CTNNA2: variants seen among roughly 807,000 people sequenced by gnomAD.
CTNNA2 encodes catenin alpha-2.
CTNNA2 carries 42 observed loss-of-function variants against 101.0 expected under a neutral mutation model. The ratio of observed to expected loss-of-function variants is 0.42; its 90% CI spans 0.32 to 0.54. CTNNA2 has a LOEUF of 0.54. Ranked by LOEUF, CTNNA2 falls within the 20% of genes least tolerant of loss-of-function variation. The probability of loss-of-function intolerance (pLI) is 0.14; values close to 1 mark genes in which losing one functional copy is unlikely to be tolerated. For synonymous variants in CTNNA2, 450 were observed against 456.4 expected, an observed-to-expected ratio of 0.99 and a Z score of 0.18; for missense variants, 871 against 1,223.1, an observed-to-expected ratio of 0.71 and a Z score of 4.29.
At chr2:79,728,297 G>A (rs1421420006) in intron 2 of CTNNA2, among the ~76,000 whole-genome samples, 1 of 152,130 alleles carries the variant, frequency 6.6e-6, no homozygotes, top group Non-Finnish European at 1.5e-5. Flanking sequence ...GTATCTCATT[G>A]TGGTTTTGAT....
chr2:80,216,228 G>A (rs964540938), intron 7 of CTNNA2, among the ~76,000 whole-genome samples: 11 of 152,066 alleles, frequency 7.2e-5, no homozygotes, highest in Non-Finnish European at 1.0e-4. Context: ...GTGATGCCCC[G>A]CCCTGCTTCG....
At chr2:80,462,363 G>C (rs910100950) in intron 9 of CTNNA2, among the ~76,000 whole-genome samples, 1 of 152,148 alleles carries the variant, frequency 6.6e-6, no homozygotes, top group African/African-American at 2.4e-5. Flanking sequence ...GGGAAGACTT[G>C]AAAGCAGCAA....
chr2:79,906,540 C>T (rs1685441281), intron 6 of CTNNA2, among the ~76,000 whole-genome samples: 1 of 152,128 alleles, frequency 6.6e-6, no homozygotes, highest in Non-Finnish European at 1.5e-5. Context: ...TTTTAAAAAG[C>T]TTTTCCACTG....
At chr2:79,667,395 G>A (rs1262421991) in intron 2 of CTNNA2, among the ~76,000 whole-genome samples, 1 of 152,148 alleles carries the variant, frequency 6.6e-6, no homozygotes. Flanking sequence ...ATATAGACTT[G>A]TATTTCAAAG....
At chr2:79,835,720 G>C (rs2941757) in intron 3 of CTNNA2, among the ~76,000 whole-genome samples, 52,406 of 119,642 alleles carry the variant, frequency 0.44, 11,453 homozygotes, top group East Asian at 0.62. Flanking sequence ...GAGTGTTGCT[G>C]TGCCCGGATT....
intron 7 of CTNNA2, among the ~76,000 whole-genome samples, chr2:79,947,852 T>G (rs945921081): frequency 4.6e-5 from 7 of 151,182 alleles, no homozygotes; most frequent in African/African-American, 1.7e-4. Flanking sequence ...ACTAAAAGAG[T>G]GTTATGAAAG....
At chr2:79,672,347 C>A (rs1682895965) in intron 2 of CTNNA2, among the ~76,000 whole-genome samples, 2 of 152,090 alleles carry the variant, frequency 1.3e-5, no homozygotes, top group African/African-American at 4.8e-5. Context: ...TGATCGTTAA[C>A]AATAATCACG....
intron 7 of CTNNA2, among the ~76,000 whole-genome samples, chr2:79,979,689 G>C (rs995076730): frequency 6.6e-6 from 1 of 151,826 alleles, no homozygotes; most frequent in Non-Finnish European, 1.5e-5. Context: ...AAGACAAAAA[G>C]AAAGTGAGAA....
intron 7 of CTNNA2, among the ~76,000 whole-genome samples, chr2:80,206,165 G>A (rs1301630499): frequency 1.3e-5 from 2 of 152,030 alleles, no homozygotes; most frequent in African/African-American, 2.4e-5. Flanking sequence ...TTGTCTCACG[G>A]CATTACAGAA....
chr2:80,142,247 T>A (rs540364581), intron 7 of CTNNA2, among the ~76,000 whole-genome samples: 57 of 152,308 alleles, frequency 3.7e-4, no homozygotes, highest in African/African-American at 1.3e-3. Context: ...CCTCCCCACC[T>A]TTAAAAACCC....
intron 1 of CTNNA2, among the ~76,000 whole-genome samples, chr2:79,620,468 A>G (rs1186819538): frequency 2.6e-5 from 4 of 152,192 alleles, no homozygotes; most frequent in Non-Finnish European, 4.4e-5. Flanking sequence ...ACTCATACAC[A>G]TATGTGTCTT....
At chr2:79,218,550 G>A (rs1287413182) in intron 2 of CTNNA2, among the ~76,000 whole-genome samples, 5 of 152,014 alleles carry the variant, frequency 3.3e-5, no homozygotes, top group African/African-American at 1.2e-4. Context: ...GTAGGGACTC[G>A]GAAGAGACTC....
At chr2:79,750,542 T>C (rs537928276) in intron 3 of CTNNA2, among the ~76,000 whole-genome samples, 2 of 152,174 alleles carry the variant, frequency 1.3e-5, no homozygotes, top group Non-Finnish European at 2.9e-5. Flanking sequence ...TTATACAAGG[T>C]TTATGAGCTT....
chr2:80,129,250 G>C (rs905435067), intron 7 of CTNNA2, among the ~76,000 whole-genome samples: 9 of 152,172 alleles, frequency 5.9e-5, no homozygotes, highest in African/African-American at 2.2e-4. Context: ...CAGTCAGGCT[G>C]ATGGGAAGGC....
chr2:79,408,693 C>T (rs1268640479), intron 4 of CTNNA2, among the ~76,000 whole-genome samples: 1 of 152,006 alleles, frequency 6.6e-6, no homozygotes, highest in African/African-American at 2.4e-5. Flanking sequence ...TTAATCCAGT[C>T]TATCACTGTT....
intron 3 of CTNNA2, among the ~76,000 whole-genome samples, chr2:79,372,018 A>C (rs903583003): frequency 5.3e-5 from 8 of 152,154 alleles, no homozygotes; most frequent in African/African-American, 1.4e-4. Flanking sequence ...TAAAACAGCC[A>C]TTCTCCACCT....
At chr2:80,114,378 GA>G (rs1156765474) in intron 7 of CTNNA2, among the ~76,000 whole-genome samples, 1 of 152,154 alleles carries the variant, frequency 6.6e-6, no homozygotes, top group African/African-American at 2.4e-5. Context: ...TTTAAAACAT[GA>G]AAACACAGGT....
intron 7 of CTNNA2, among the ~76,000 whole-genome samples, chr2:80,178,007 C>G (rs1220368152): frequency 6.6e-6 from 1 of 152,226 alleles, no homozygotes; most frequent in Non-Finnish European, 1.5e-5. Flanking sequence ...TGTCCACTTT[C>G]AGGTGGTGCC....
intron 15 of CTNNA2, among the ~76,000 whole-genome samples, chr2:80,595,470 C>T (rs769241610): frequency 8.5e-5 from 13 of 152,126 alleles, no homozygotes; most frequent in African/African-American, 1.9e-4. Context: ...AGTTCTTTAA[C>T]TTGCCTGATT....
Sources: gnomAD v4.1 joint callset for allele counts (sites outside exome capture counted in the v4.1 genomes callset) on GRCh38, gnomAD v4.1.1 for gene constraint, MANE v1.5 for transcripts, NCBI Gene and HGNC (gene_info 2026-07-23, HGNC 2026-07-21) for gene names.